SLC7A13: variants seen among roughly 807,000 people sequenced by gnomAD.
SLC7A13 encodes solute carrier family 7 member 13, also known as X-amino acid transporter 2.
Under a neutral mutation model 32.0 loss-of-function variants are expected in SLC7A13, and 31 were observed. The observed-to-expected ratio is 0.97, with a 90% CI of 0.73 to 1.31. SLC7A13 has a LOEUF of 1.31. Ranked by LOEUF, SLC7A13 falls within the 50% of genes most tolerant of loss-of-function variation. SLC7A13 has a pLI of 0.00. For synonymous variants in SLC7A13, 232 were observed against 206.9 expected (o/e 1.12, Z -1.04); for missense variants, 633 against 546.9 (o/e 1.16, Z -1.57).
intron 3 of SLC7A13, among the ~76,000 whole-genome samples, chr8:86,215,991 G>C (rs1030297844): frequency 6.6e-6 from 1 of 152,094 alleles, no homozygotes; most frequent in Admixed American, 6.6e-5. Context: ...TATGAGGTAG[G>C]TATTATTTTT....
rs1047091117 is a variant in SLC7A13 at position 86,214,532 on chromosome 8, C to T, written c.1294G>A (p.Gly432Arg). ...YVYVLLLVLS[G>R]LLFYIPLIHF... ...ATTAAAGGTATGTAAAATAGTAATCCGCTGAGAACTAACAGAAGCACGTAG... is the reference window on the plus strand; with the variant it reads ...ATTAAAGGTATGTAAAATAGTAATCTGCTGAGAACTAACAGAAGCACGTAG... The change falls in exon 4 of 4, where the codon GGA (glycine) becomes AGA (arginine). Residue 432 changes from glycine to arginine, a missense_variant. Transcript: ENST00000297524. The T allele has an allele frequency of 1.4e-5, 22 of 1,612,966 alleles. No homozygotes were observed. Among genetic ancestry groups the T allele is most frequent in the Admixed American group, 1.7e-5 (1 of 59,946 alleles).
chr8:86,226,212 G>A (rs143999438), intron 1 of SLC7A13, among the ~76,000 whole-genome samples: 49 of 152,234 alleles, frequency 3.2e-4, no homozygotes, highest in African/African-American at 1.1e-3. Context: ...CAATGAAACT[G>A]GCTCAAATAA....
chr8:86,217,469 C>T lies in SLC7A13; in HGVS notation c.1179+1G>A, dbSNP rs139960114. The T allele has an allele frequency of 2.0e-5, 31 of 1,533,292 alleles. No individual in the cohort carries two copies. The South Asian group carries it at 2.5e-4, about 12-fold the overall frequency. 95.0% of individuals were successfully genotyped at this position (1,533,292 alleles called of 1,614,324 possible). A position where few individuals can be genotyped will look rare whatever the true frequency, so the allele number is the denominator to read the frequency against. The stretch of plus-strand genomic sequence containing the variant: ...GAAAAGAATTAGAAATCCAATTTTA[C>T]CTTATAAGGTATAGATAGATTGGGT... On this transcript the variant is annotated splice_donor_variant, in intron 3 of 3. Coordinates refer to ENST00000297524, the MANE Select transcript of SLC7A13 (RefSeq NM_138817.3). LOFTEE classifies it high-confidence loss of function.
chr8:86,230,034 A>G lies in SLC7A13; in HGVS notation c.244T>C (p.Tyr82His). Residue 82 changes from tyrosine to histidine, a missense_variant, in exon 1 of 4, where the codon TAT (tyrosine) becomes CAT (histidine). Physicochemically the swap from Tyr to His is moderately conservative, Grantham distance 83 (BLOSUM62 2). Transcript: ENST00000297524. ...ISFPCSGAQY[Y>H]FLKRYFGSTV... ...GAGCCAAAGTATCTCTTGAGAAAAT[A>G]GTATTGAGCTCCACTGCATGGGAAG... The G allele has an allele frequency of 1.2e-6, 2 of 1,614,178 alleles. No individual in the cohort carries two copies. Among genetic ancestry groups the G allele is most frequent in the Non-Finnish European group, 1.7e-6 (2 of 1,180,022 alleles).
intron 1 of SLC7A13, among the ~76,000 whole-genome samples, chr8:86,229,273 T>C (rs1820441612): frequency 6.6e-6 from 1 of 151,402 alleles, no homozygotes; most frequent in African/African-American, 2.4e-5. Context: ...TACAGTTTCA[T>C]GGGTGAGGAA....
Position 86,214,253 on chromosome 8 carries a change from G to A in SLC7A13, c.*160C>T. On this transcript the variant is annotated 3_prime_UTR_variant, in exon 4 of 4. Coordinates refer to ENST00000297524, the MANE Select transcript of SLC7A13 (RefSeq NM_138817.3). ...CTTAGTGACTCTGAAGCCAGGTACT[G>A]TCTTAGGCACTTTTGTATACATTAC... 1.8e-6 allele frequency: 1 copy of A among 558,960 alleles called. No individual in the cohort carries two copies. Among genetic ancestry groups the A allele is most frequent in the Non-Finnish European group, 3.1e-6 (1 of 319,638 alleles). The allele number at this position is 558,960 out of a possible 1,614,324, so 34.6% of individuals were successfully genotyped here. A position where few individuals can be genotyped will look rare whatever the true frequency, so the allele number is the denominator to read the frequency against.
At chr8:86,220,007 C>T (rs911234769) in intron 2 of SLC7A13, among the ~76,000 whole-genome samples, 1 of 151,804 alleles carries the variant, frequency 6.6e-6, no homozygotes, top group African/African-American at 2.4e-5. Flanking sequence ...TTCTAAAATT[C>T]TCACTTTCTC....
chr8:86,229,539 ATATTGT>A, intron 1 of SLC7A13, 48 bp downstream of exon 1: 1 of 1,393,590 alleles, frequency 7.2e-7, no homozygotes, highest in Non-Finnish European at 9.9e-7. Flanking sequence ...TATGCATTTC[ATATTGT>A]ATGCAATAAG....
rs2129796819 is a variant in SLC7A13 at position 86,223,047 on chromosome 8, G to T, written c.742C>A (p.Leu248Met). Residue 248 changes from leucine to methionine, a missense_variant, in exon 2 of 4, where the codon CTG (leucine) becomes ATG (methionine). Leu to Met is a conservative substitution (Grantham distance 15). Transcript: ENST00000297524. ...IPKCIFTALPLVTVVYLLVNI... is the reference protein window; with the variant it reads ...IPKCIFTALPMVTVVYLLVNI... ...ACCAGTAAATAAACTACAGTCACCAGAGGTAACGCAGTAAATATGCATTTG... is the reference window on the plus strand; with the variant it reads ...ACCAGTAAATAAACTACAGTCACCATAGGTAACGCAGTAAATATGCATTTG... 6.2e-7 allele frequency: 1 copy of T among 1,607,528 alleles called. No homozygotes were observed. Among genetic ancestry groups the T allele is most frequent in the Non-Finnish European group, 8.5e-7 (1 of 1,176,780 alleles).
chr8:86,221,821 C>T (rs1357530107), intron 2 of SLC7A13, among the ~76,000 whole-genome samples: 1 of 152,134 alleles, frequency 6.6e-6, no homozygotes, highest in Admixed American at 6.6e-5. Context: ...TTTTTAACAA[C>T]CCGTATGGAC....
chr8:86,229,560 G>A, intron 1 of SLC7A13, 33 bp downstream of exon 1: 1 of 1,531,136 alleles, frequency 6.5e-7, no homozygotes, highest in Non-Finnish European at 8.8e-7. Flanking sequence ...AATAAGTCAT[G>A]ATTTTAGATT....
At chr8:86,215,859 C>G (rs187541819) in intron 3 of SLC7A13, among the ~76,000 whole-genome samples, 1 of 152,284 alleles carries the variant, frequency 6.6e-6, no homozygotes, top group Admixed American at 6.5e-5. Context: ...GTACTTAAGG[C>G]TGCCCTTGCC....
rs1290044744 is a variant in SLC7A13 at position 86,230,300 on chromosome 8, T to C, written c.-23A>G. On this transcript the variant is annotated 5_prime_UTR_variant, in exon 1 of 4. Transcript: ENST00000297524. ...CATTGTAATTGAAGAGTTTTAAAAT[T>C]CTATATAAATTACAATTTCTAGATT... 1.3e-6 allele frequency: 2 copies of C among 1,506,948 alleles called. No individual in the cohort carries two copies. The highest frequency in any genetic ancestry group is 2.8e-5 in the African/African-American group (2 of 71,456). The allele number at this position is 1,506,948 out of a possible 1,614,324, so 93.3% of individuals were successfully genotyped here.
rs774491033 is a variant in SLC7A13, at chr8:86,214,436, G to T, written c.1390C>A (p.Leu464Ile). Residue 464 changes from leucine to isoleucine, a missense_variant, in exon 4 of 4, where the codon CTC (leucine) becomes ATC (isoleucine). Coordinates refer to ENST00000297524, the MANE Select transcript of SLC7A13 (RefSeq NM_138817.3). ...ATCTATTCCTCAGACACATCAGGGA[G>T]GCAAATATTAAATAGTAATTGTAAA... ...CYLQLLFNIC[L>I]PDVSEE The T allele has an allele frequency of 8.1e-6, 13 of 1,608,202 alleles. No homozygotes were observed. In the East Asian group the frequency reaches 2.9e-4, roughly 36 times the overall value.
At chr8:86,218,464 A>G (rs1820232247) in intron 2 of SLC7A13, among the ~76,000 whole-genome samples, 1 of 152,158 alleles carries the variant, frequency 6.6e-6, no homozygotes, top group African/African-American at 2.4e-5. Context: ...TCACTTGGCA[A>G]TATCTGGAGA....
At position 86,223,128 on chromosome 8, in the gene SLC7A13, C is replaced by T. The variant is rs1202962221; in HGVS notation, c.686-25G>A. ...CCTATAACACAAAAGAGGACACAAC[C>T]ATAATTGGTAAACATTATTTCTAAA... On this transcript the variant is annotated intron_variant, in intron 1 of 3. Transcript: ENST00000297524. 15 of 1,534,696 alleles carry T rather than the reference C, an allele frequency of 9.8e-6. No homozygotes were observed. The East Asian group carries it at 1.6e-4, about 17-fold the overall frequency.
At chr8:86,225,526 T>C (rs1046044644) in intron 1 of SLC7A13, among the ~76,000 whole-genome samples, 1 of 152,222 alleles carries the variant, frequency 6.6e-6, no homozygotes, top group Non-Finnish European at 1.5e-5. Context: ...TCTCATTATG[T>C]ACTTGATATG....
chr8:86,228,038 T>A (rs940371908), intron 1 of SLC7A13, among the ~76,000 whole-genome samples: 1 of 152,134 alleles, frequency 6.6e-6, no homozygotes, highest in Non-Finnish European at 1.5e-5. Context: ...CTCACTATTA[T>A]ACAAATAAAT....
intron 2 of SLC7A13, among the ~76,000 whole-genome samples, chr8:86,221,418 T>C (rs1033626070): frequency 1.3e-5 from 2 of 152,212 alleles, no homozygotes; most frequent in Admixed American, 1.3e-4. Flanking sequence ...AATTTAAATT[T>C]CTTGTACAAT....
Sources: gnomAD v4.1 joint callset for allele counts (sites outside exome capture counted in the v4.1 genomes callset) on GRCh38, gnomAD v4.1.1 for gene constraint, MANE v1.5 for transcripts, NCBI Gene and HGNC (gene_info 2026-07-23, HGNC 2026-07-21) for gene names.